The following SNAP47 variants were observed in gnomAD, a reference collection of about 807,000 sequenced individuals.
SNAP47 encodes the protein synaptosomal-associated protein 47.
SNAP47 carries 20 observed loss-of-function variants against 31.4 expected under a neutral mutation model. The observed-to-expected ratio is 0.64, with a 90% CI of 0.45 to 0.93. The LOEUF (loss-of-function observed/expected upper bound fraction) is 0.93, where lower values mean the gene tolerates loss of function less well. Among genes scored for constraint, SNAP47 ranks in the 40% least tolerant of loss-of-function variants. The pLI is 0.00. For synonymous variants in SNAP47, 194 were observed against 213.4 expected (o/e 0.91, Z 0.79); for missense variants, 492 against 528.5 (o/e 0.93, Z 0.68).
upstream of SNAP47, among the ~76,000 whole-genome samples, chr1:227,728,352 G>C (rs1241594247): frequency 6.6e-6 from 1 of 152,172 alleles, no homozygotes. Flanking sequence ...CCGGAGCGGG[G>C]GGGGCGGGCC....
At chr1:227,776,310 A>T in intron 4 of SNAP47, 1 of 989,844 alleles carries the variant, frequency 1.0e-6, no homozygotes, top group Non-Finnish European at 1.2e-6. Flanking sequence ...TCCTTGCTCT[A>T]TTTCTTTGAA....
upstream of SNAP47, chr1:227,735,270 C>A (rs1284527512): frequency 1.2e-6 from 2 of 1,606,072 alleles, no homozygotes; most frequent in Non-Finnish European, 1.7e-6. Context: ...GTCTCGCGGT[C>A]CATCCAGCTC....
chr1:227,758,901 G>A (rs1662860812), intron 2 of SNAP47, 94 bp from the exon 3 acceptor site: 1 of 1,449,852 alleles, frequency 6.9e-7, no homozygotes. Flanking sequence ...ATGGCAACAT[G>A]CTTTACAAAG....
At chr1:227,752,235 T>G (rs1662422570) in intron 2 of SNAP47, among the ~76,000 whole-genome samples, 1 of 152,114 alleles carries the variant, frequency 6.6e-6, no homozygotes, top group Non-Finnish European at 1.5e-5. Flanking sequence ...TGCCTGTCAT[T>G]TTGTTCCCTT....
chr1:227,768,669 C>T (rs1199481650), intron 4 of SNAP47, among the ~76,000 whole-genome samples: 1 of 152,200 alleles, frequency 6.6e-6, no homozygotes, highest in Admixed American at 6.5e-5. Flanking sequence ...TAGGTGTAGC[C>T]AGCTCACTCT....
upstream of SNAP47, chr1:227,731,365 T>C (rs899454795): frequency 5.3e-5 from 8 of 152,242 alleles, no homozygotes; most frequent in East Asian, 1.9e-4. Flanking sequence ...GGGCAGGCAA[T>C]GTGCATAGCC....
intron 1 of SNAP47, among the ~76,000 whole-genome samples, chr1:227,736,930 G>A (rs926182845): frequency 1.3e-5 from 2 of 152,180 alleles, no homozygotes; most frequent in Admixed American, 6.5e-5. Context: ...TCTCTTGGAA[G>A]GGGTGTGGGT....
At chr1:227,777,068 T>G (rs1664202443) in intron 4 of SNAP47, 3 of 974,564 alleles carry the variant, frequency 3.1e-6, no homozygotes, top group Non-Finnish European at 3.7e-6. Flanking sequence ...TCCCACTGCT[T>G]TCTTATGCAC....
intron 3 of SNAP47, among the ~76,000 whole-genome samples, chr1:227,761,679 G>A (rs1038907200): frequency 2.6e-5 from 4 of 152,304 alleles, no homozygotes; most frequent in Admixed American, 6.5e-5. Context: ...GGTATGTGAC[G>A]TGCTGTGGAC....
At chr1:227,771,502 C>G (rs556004631) in intron 4 of SNAP47, among the ~76,000 whole-genome samples, 1 of 152,216 alleles carries the variant, frequency 6.6e-6, no homozygotes, top group East Asian at 1.9e-4. Context: ...CCTGCATGCA[C>G]GTAGCTTGAG....
upstream of SNAP47, chr1:227,730,834 A>G (rs944016779): frequency 6.6e-6 from 1 of 152,288 alleles, no homozygotes; most frequent in Admixed American, 6.5e-5. Flanking sequence ...ATCATGACAG[A>G]AGCTGAAGGA....
At chr1:227,740,985 T>C (rs568083795) in intron 1 of SNAP47, among the ~76,000 whole-genome samples, 8 of 145,970 alleles carry the variant, frequency 5.5e-5, no homozygotes, top group Non-Finnish European at 1.0e-4. Context: ...TTGGGGTGCC[T>C]GTTAGGGTCA....
At chr1:227,740,507 T>C (rs568046764) in intron 1 of SNAP47, among the ~76,000 whole-genome samples, 3 of 152,188 alleles carry the variant, frequency 2.0e-5, no homozygotes, top group Non-Finnish European at 4.4e-5. Flanking sequence ...GGAAAGTAAC[T>C]AAAAGTAGAT....
chr1:227,780,938 C>T lies in SNAP47; in HGVS notation c.*265C>T, dbSNP rs1174646887. 4.0e-6 allele frequency: 2 copies of T among 499,086 alleles called. No individual in the cohort carries two copies. The highest frequency in any genetic ancestry group is 7.2e-6 in the Non-Finnish European group (2 of 278,616). The allele number at this position is 499,086 out of a possible 1,614,324, so 30.9% of individuals were successfully genotyped here. A position where few individuals can be genotyped will look rare whatever the true frequency, so the allele number is the denominator to read the frequency against. On this transcript the variant is annotated 3_prime_UTR_variant, in exon 5 of 5. Coordinates refer to ENST00000617596, the MANE Select transcript of SNAP47 (RefSeq NM_053052.4). ...AGAAGTGTGGACCATGGCGGGACCC[C>T]AAGGACACTTGGCACAGGCCTGGAA...
At chr1:227,742,330 G>A (rs938623271) in intron 1 of SNAP47, among the ~76,000 whole-genome samples, 7 of 152,114 alleles carry the variant, frequency 4.6e-5, no homozygotes, top group African/African-American at 1.7e-4. Flanking sequence ...GACCTCCCAG[G>A]CTCAAGTGAT....
upstream of SNAP47, chr1:227,733,909 G>C: frequency 1.2e-6 from 2 of 1,613,510 alleles, no homozygotes; most frequent in Non-Finnish European, 1.7e-6. Context: ...GGCCTCACCA[G>C]CTGCCCGCAG....
intron 4 of SNAP47, among the ~76,000 whole-genome samples, chr1:227,779,431 G>A (rs1327086152): frequency 6.6e-6 from 1 of 152,130 alleles, no homozygotes; most frequent in African/African-American, 2.4e-5. Context: ...GCTCAGGAGT[G>A]CTGTTCCTAG....
chr1:227,753,522 C>T (rs897016684), intron 2 of SNAP47, among the ~76,000 whole-genome samples: 1 of 152,180 alleles, frequency 6.6e-6, no homozygotes, highest in East Asian at 1.9e-4. Context: ...CCTCATCTCA[C>T]TGCTGCCTAA....
chr1:227,754,011 T>TG (rs1269813581), intron 2 of SNAP47, among the ~76,000 whole-genome samples: 1 of 152,246 alleles, frequency 6.6e-6, no homozygotes, highest in Non-Finnish European at 1.5e-5. Flanking sequence ...GAGGGCTTTC[T>TG]GTATCCTGGG....
Sources: gnomAD v4.1 joint callset for allele counts (sites outside exome capture counted in the v4.1 genomes callset) on GRCh38, gnomAD v4.1.1 for gene constraint, MANE v1.5 for transcripts, NCBI Gene and HGNC (gene_info 2026-07-23, HGNC 2026-07-21) for gene names.